TUB: variants seen among roughly 807,000 people sequenced by gnomAD.
TUB encodes TUB bipartite transcription factor, also known as tubby protein homolog.
A neutral mutation model predicts 59.7 loss-of-function variants in TUB; 33 were observed. The observed-to-expected ratio is 0.55, with a 90% confidence interval of 0.42 to 0.74. TUB has a LOEUF of 0.74. Ranked by LOEUF, TUB falls within the 30% of genes least tolerant of loss-of-function variation. The pLI, the probability that TUB is intolerant of heterozygous loss-of-function variation, is 0.00. For synonymous variants in TUB, 293 were observed against 256.4 expected (o/e 1.14, Z -1.36); for missense variants, 659 against 672.0 (o/e 0.98, Z 0.21).
Position 8,056,464 on chromosome 11 carries a change from CAG to C in TUB, c.203+16773_203+16774del, listed in dbSNP as rs1243567628. On this transcript the variant is annotated intron_variant, in intron 2 of 12. Transcript: ENST00000305253. The stretch of plus-strand genomic sequence containing the variant: ...TGTGTGGTGCGCATGCTTGTGCTGA[CAG>C]GGGAAGGCAGGGGGACGTCTGGAGT... Among the ~76,000 whole-genome samples, 15 of 152,084 alleles carry C rather than the reference CAG, an allele frequency of 9.9e-5. No individual in the cohort carries two copies. The East Asian group carries it at 1.2e-3, about 12-fold the overall frequency.
intron 2 of TUB, among the ~76,000 whole-genome samples, chr11:8,058,800 A>G (rs565090773): frequency 1.3e-5 from 2 of 152,336 alleles, no homozygotes; most frequent in Admixed American, 6.5e-5. Flanking sequence ...GCTACAGATA[A>G]AGAGTTAGGC....
At chr11:8,045,646 T>A (rs1208516181) in intron 2 of TUB, among the ~76,000 whole-genome samples, 1 of 152,230 alleles carries the variant, frequency 6.6e-6, no homozygotes, top group Non-Finnish European at 1.5e-5. Flanking sequence ...CCAGTAAGTA[T>A]AATACAAATA....
chr11:8,068,082 C>T (rs985187306), intron 2 of TUB: 3 of 152,256 alleles, frequency 2.0e-5, no homozygotes, highest in Non-Finnish European at 4.4e-5. Flanking sequence ...AATCCCCTGA[C>T]GTCCCTAAAA....
upstream of TUB, chr11:8,076,814 TTGTG>T (rs1003121119): frequency 5.3e-5 from 8 of 152,334 alleles, no homozygotes; most frequent in African/African-American, 1.9e-4. Context: ...TTTTGTGTGT[TTGTG>T]TGTGTGGAAA....
chr11:8,096,855 C>G (rs1023870051), intron 6 of TUB, 49 bp downstream of exon 6: 2 of 1,596,240 alleles, frequency 1.3e-6, no homozygotes, highest in Non-Finnish European at 1.7e-6. Flanking sequence ...GACTGCTCAT[C>G]CGTTAGAGGT....
intron 2 of TUB, among the ~76,000 whole-genome samples, chr11:8,074,488 A>G (rs1943413475): frequency 6.6e-6 from 1 of 152,078 alleles, no homozygotes; most frequent in African/African-American, 2.4e-5. Context: ...CTGTAATCCT[A>G]ATGCTGTGGG....
chr11:8,048,858 TATA>T (rs1215778584), intron 2 of TUB, among the ~76,000 whole-genome samples: 2 of 152,228 alleles, frequency 1.3e-5, no homozygotes, highest in African/African-American at 2.4e-5. Context: ...TGCAATTAAG[TATA>T]ATATTACATA....
At chr11:8,032,038 A>AC (rs1942580021) in intron 1 of TUB, among the ~76,000 whole-genome samples, 2 of 151,752 alleles carry the variant, frequency 1.3e-5, no homozygotes, top group African/African-American at 4.8e-5. Flanking sequence ...ACAGAGAGAG[A>AC]CCCCCTGGGG....
At chr11:8,095,835 C>CT (rs1359152091) in intron 5 of TUB, among the ~76,000 whole-genome samples, 170 bp downstream of exon 5, 1 of 152,234 alleles carries the variant, frequency 6.6e-6, no homozygotes, top group Non-Finnish European at 1.5e-5. Context: ...AGGGCCCCTG[C>CT]TAAGGCCCCA....
At chr11:8,060,794 G>C (rs542249360) in intron 2 of TUB, among the ~76,000 whole-genome samples, 2 of 152,290 alleles carry the variant, frequency 1.3e-5, no homozygotes, top group South Asian at 4.1e-4. Flanking sequence ...TACGTATTTG[G>C]GGTCTGTGAA....
At position 8,026,473 on chromosome 11, in the gene TUB, TA is replaced by T. The variant is rs35114711; in HGVS notation, c.56+7126del. On this transcript the variant is annotated intron_variant, in intron 1 of 11. Coordinates refer to the TUB transcript ENST00000534099. The stretch of plus-strand genomic sequence containing the variant: ...TTTTTGCATATGGTATGAGATTCAT[TA>T]AAAAAAAAAATGGGTATCTAATTGT... 5.7e-3 allele frequency among the ~76,000 whole-genome samples: 849 copies of T among 148,598 alleles called. 3 individuals are homozygous for T. Among genetic ancestry groups the T allele is most frequent in the Non-Finnish European group, 9.8e-3 (662 of 67,330 alleles).
chr11:8,038,091 G>A (rs1942677985), upstream of TUB, among the ~76,000 whole-genome samples: 1 of 152,146 alleles, frequency 6.6e-6, no homozygotes, highest in African/African-American at 2.4e-5. Flanking sequence ...GCCTCAAGGG[G>A]CTGAGTGATG....
chr11:8,087,626 TGTCCTGAAA>T (rs748853020), intron 1 of TUB, among the ~76,000 whole-genome samples: 2 of 152,260 alleles, frequency 1.3e-5, no homozygotes, highest in Non-Finnish European at 2.9e-5. Context: ...TTTTCACGTG[TGTCCTGAAA>T]GTTGTGATGT....
intron 4 of TUB, 34 bp from the exon 5 acceptor site, chr11:8,095,464 C>G (rs1437586631): frequency 1.9e-6 from 3 of 1,578,952 alleles, no homozygotes; most frequent in Non-Finnish European, 2.6e-6. Context: ...TCTCCTCCTC[C>G]TGGATGTAAC....
At chr11:8,070,053 A>G (rs368738208) in intron 2 of TUB, among the ~76,000 whole-genome samples, 1 of 152,328 alleles carries the variant, frequency 6.6e-6, no homozygotes, top group East Asian at 1.9e-4. Flanking sequence ...ACATGGCCAC[A>G]CTGGCTTTCT....
At chr11:8,082,644 C>T (rs1346051794) in intron 1 of TUB, among the ~76,000 whole-genome samples, 1 of 152,232 alleles carries the variant, frequency 6.6e-6, no homozygotes, top group Non-Finnish European at 1.5e-5. Flanking sequence ...ACAGCTTGCT[C>T]TCTGTTAGAG....
At chr11:8,035,642 A>C (rs1373714957), upstream of TUB, 2 of 152,338 alleles carry the variant, frequency 1.3e-5, no homozygotes, top group African/African-American at 4.8e-5. Context: ...GAGGGCCTGC[A>C]GGTTGCCAGA....
intron 4 of TUB, 21 bp downstream of exon 4, chr11:8,094,210 G>A (rs773329271): frequency 1.3e-6 from 2 of 1,595,362 alleles, no homozygotes; most frequent in Non-Finnish European, 8.5e-7. Flanking sequence ...ATTCTCTACA[G>A]CCCTCCCCAG....
intron 4 of TUB, among the ~76,000 whole-genome samples, chr11:8,094,908 G>C (rs1201064178): frequency 1.3e-5 from 2 of 152,246 alleles, no homozygotes; most frequent in African/African-American, 4.8e-5. Flanking sequence ...CAGGGTGGCT[G>C]CCACCTGTGT....
Sources: allele counts gnomAD v4.1 joint callset (sites outside exome capture counted in the v4.1 genomes callset), GRCh38; gene constraint gnomAD v4.1.1; transcripts MANE v1.5; gene names NCBI Gene and HGNC (gene_info 2026-07-23, HGNC 2026-07-21).